The following BAIAP2 variants were observed in gnomAD, a reference collection of about 807,000 sequenced individuals.
The protein encoded by BAIAP2 is BAR/IMD domain-containing adapter protein 2.
In BAIAP2, 18 loss-of-function variants were observed where a neutral mutation model predicts 63.0. The ratio of observed to expected loss-of-function variants is 0.29; its 90% CI spans 0.20 to 0.42. BAIAP2 has a LOEUF of 0.42. Ranked by LOEUF, BAIAP2 falls within the 10% of genes least tolerant of loss-of-function variation. The pLI, the probability that BAIAP2 is intolerant of heterozygous loss-of-function variation, is 1.00. For synonymous variants in BAIAP2, 386 were observed against 307.6 expected, an observed-to-expected ratio of 1.25 and a Z score of -2.67; for missense variants, 610 against 734.3, an observed-to-expected ratio of 0.83 and a Z score of 1.96.
chr17:81,110,330 A>G (rs974480082), intron 13 of BAIAP2: 77 of 986,236 alleles, frequency 7.8e-5, no homozygotes, highest in Admixed American at 1.2e-4. Flanking sequence ...CCGCTCCGCT[A>G]AAGATTTCAA....
chr17:81,050,565 G>A (rs8066732), intron 1 of BAIAP2, among the ~76,000 whole-genome samples: 94,462 of 152,032 alleles, frequency 0.62, 29,844 homozygotes, highest in Non-Finnish European at 0.68. Flanking sequence ...TCTTCCACCC[G>A]GGGGCCTGTG....
In BAIAP2 at chr17:81,068,987, G is replaced by A. The variant is rs765200534; in HGVS notation, c.217+11020G>A. Among the ~76,000 whole-genome samples, 243 of 152,226 alleles carry A rather than the reference G, an allele frequency of 1.6e-3. 2 individuals carry two copies. The highest frequency in any genetic ancestry group is 2.3e-3 in the East Asian group (12 of 5,166). On this transcript the variant is annotated intron_variant, in intron 3 of 13. Transcript: ENST00000428708. ...ACATTTGACGACTTGTCTGGCACTG[G>A]GCCCCGTAGAAACAGACAGGACAGG...
At chr17:81,081,272 CGAG>C (rs1568130324) in intron 3 of BAIAP2, among the ~76,000 whole-genome samples, 1 of 152,214 alleles carries the variant, frequency 6.6e-6, no homozygotes, top group Admixed American at 6.5e-5. Context: ...CCGAGAAGCA[CGAG>C]GAGCCCTGGA....
intron 3 of BAIAP2, among the ~76,000 whole-genome samples, chr17:81,080,442 C>T (rs56040277): frequency 0.021 from 3,127 of 152,350 alleles, 105 homozygotes; most frequent in African/African-American, 0.068. Context: ...GTGCGCCAGC[C>T]GCACATTGTG....
Position 81,097,329 on chromosome 17 carries a change from T to TC in BAIAP2, c.490-2598dup, listed in dbSNP as rs573469441. 1.4e-3 allele frequency among the ~76,000 whole-genome samples: 216 copies of TC among 152,196 alleles called. 1 individual carries two copies. The highest frequency in any genetic ancestry group is 4.4e-3 in the Admixed American group (67 of 15,300). ...GGCTCTGGCCTTGGGGACAGCATGG[T>TC]CTGCTCACACTGGCCAGCAGGCAGA... On this transcript the variant is annotated intron_variant, in intron 6 of 13. Coordinates refer to ENST00000428708, the MANE Select transcript of BAIAP2 (RefSeq NM_001144888.2).
intron 1 of BAIAP2, among the ~76,000 whole-genome samples, chr17:81,043,134 T>A (rs2047316679): frequency 6.6e-6 from 1 of 152,200 alleles, no homozygotes; most frequent in Admixed American, 6.5e-5. Context: ...CCCAGAGTGC[T>A]GGGATTACAG....
intron 3 of BAIAP2, among the ~76,000 whole-genome samples, chr17:81,079,249 G>A (rs1025210174): frequency 2.0e-5 from 3 of 152,190 alleles, no homozygotes; most frequent in Non-Finnish European, 2.9e-5. Context: ...CATCAGCTGC[G>A]CTCAGACCTG....
intron 3 of BAIAP2, among the ~76,000 whole-genome samples, chr17:81,078,838 C>T (rs2054139678): frequency 6.6e-6 from 1 of 152,074 alleles, no homozygotes; most frequent in Non-Finnish European, 1.5e-5. Context: ...GCTCTCAGGG[C>T]TCCTGAGTTT....
intron 6 of BAIAP2, among the ~76,000 whole-genome samples, chr17:81,089,763 G>C (rs2056393082): frequency 6.6e-6 from 1 of 152,092 alleles, no homozygotes; most frequent in Non-Finnish European, 1.5e-5. Flanking sequence ...GAGGCAAATG[G>C]TCCCCCTAGC....
In BAIAP2 at chr17:81,070,675, C is replaced by G. The variant is rs529782688; in HGVS notation, c.217+12708C>G. Among the ~76,000 whole-genome samples the G allele has an allele frequency of 2.0e-5, 3 of 152,252 alleles. No homozygotes were observed. In the South Asian group the frequency reaches 6.2e-4, roughly 32 times the overall value. On this transcript the variant is annotated intron_variant, in intron 3 of 13. Transcript: ENST00000428708. ...GAGAAGGTGTCGGGTTAGCTCAGCC[C>G]CCGCAGAGCCTCATCTCCACCCCTG...
chr17:81,108,362 C>T (rs561541173), intron 12 of BAIAP2, 113 bp from the exon 13 acceptor site: 53 of 1,214,834 alleles, frequency 4.4e-5, no homozygotes, highest in African/African-American at 3.3e-4. Context: ...CAAAGGAACA[C>T]GGTTTGAACC....
chr17:81,067,391 G>T (rs903042753), intron 3 of BAIAP2, among the ~76,000 whole-genome samples: 1 of 152,218 alleles, frequency 6.6e-6, no homozygotes, highest in Non-Finnish European at 1.5e-5. Context: ...GGGGGCGGGG[G>T]GGCCTCATGG....
At chr17:81,069,567 C>G (rs548575872) in intron 3 of BAIAP2, among the ~76,000 whole-genome samples, 1 of 152,340 alleles carries the variant, frequency 6.6e-6, no homozygotes, top group East Asian at 1.9e-4. Flanking sequence ...GCTGGGAGTT[C>G]TCGAGTCTGT....
intron 3 of BAIAP2, among the ~76,000 whole-genome samples, chr17:81,075,507 A>G (rs2053510176): frequency 6.6e-6 from 1 of 152,128 alleles, no homozygotes; most frequent in Non-Finnish European, 1.5e-5. Context: ...GTCTTCAGGG[A>G]TGAGCAGTTA....
chr17:81,082,248 C>T (rs563246425), intron 3 of BAIAP2, among the ~76,000 whole-genome samples: 4 of 152,330 alleles, frequency 2.6e-5, no homozygotes, highest in East Asian at 3.9e-4. Context: ...TAAGCACACC[C>T]GTGTACGGTT....
chr17:81,097,276 G>T (rs1004833168), intron 6 of BAIAP2, among the ~76,000 whole-genome samples: 4 of 152,180 alleles, frequency 2.6e-5, no homozygotes, highest in Non-Finnish European at 5.9e-5. Flanking sequence ...GGAGCGCCGG[G>T]CTCCGTGTTG....
At chr17:81,052,989 C>T (rs187239231) in intron 1 of BAIAP2, among the ~76,000 whole-genome samples, 4 of 152,262 alleles carry the variant, frequency 2.6e-5, no homozygotes, top group African/African-American at 4.8e-5. Flanking sequence ...TATGTTATGC[C>T]GGTAGAATTC....
At chr17:81,112,425 C>T (rs1197089303) in intron 13 of BAIAP2, among the ~76,000 whole-genome samples, 1 of 152,246 alleles carries the variant, frequency 6.6e-6, no homozygotes, top group Non-Finnish European at 1.5e-5. Flanking sequence ...TCGAAAGCCA[C>T]TTGCAGTTGG....
intron 13 of BAIAP2, 34 bp downstream of exon 13, chr17:81,108,543 T>TG: frequency 1.2e-6 from 2 of 1,613,470 alleles, no homozygotes; most frequent in Non-Finnish European, 1.7e-6. Flanking sequence ...TTTGGGACCG[T>TG]GGGTGGGTGT....
Sources: allele counts gnomAD v4.1 joint callset (sites outside exome capture counted in the v4.1 genomes callset), GRCh38; gene constraint gnomAD v4.1.1; transcripts MANE v1.5; gene names NCBI Gene and HGNC (gene_info 2026-07-23, HGNC 2026-07-21).